The following BASP1 variants were observed in gnomAD, a reference collection of about 807,000 sequenced individuals.
BASP1 encodes brain acid soluble protein 1.
BASP1 carries 1 observed loss-of-function variant against 2.2 expected under a neutral mutation model. The observed-to-expected ratio is 0.46, with a 90% CI of 0.16 to 2.17. BASP1 has a LOEUF of 2.17. BASP1 is among the 30% of genes most tolerant of loss of function. The pLI is 0.27. For missense variants in BASP1, 352 were observed against 327.2 expected, an observed-to-expected ratio of 1.08 and a Z score of -0.58; for synonymous variants, 187 against 154.2, an observed-to-expected ratio of 1.21 and a Z score of -1.58.
chr5:17,254,583 A>G (rs1740163464), intron 1 of BASP1, among the ~76,000 whole-genome samples: 1 of 152,230 alleles, frequency 6.6e-6, no homozygotes, highest in Admixed American at 6.5e-5. Flanking sequence ...TGATAAAAGC[A>G]TTCAGTTTGC....
intron 1 of BASP1, among the ~76,000 whole-genome samples, chr5:17,229,975 G>A (rs938624082): frequency 3.9e-5 from 6 of 152,040 alleles, no homozygotes; most frequent in Non-Finnish European, 7.4e-5. Flanking sequence ...AGTAGAGATA[G>A]GGTTTCACCA....
chr5:17,259,594 C>T (rs1160438840), intron 1 of BASP1, among the ~76,000 whole-genome samples: 1 of 152,088 alleles, frequency 6.6e-6, no homozygotes, highest in East Asian at 1.9e-4. Flanking sequence ...ACTGAAAATA[C>T]TACATTTGCT....
chr5:17,233,382 A>G (rs1014496857), intron 1 of BASP1, among the ~76,000 whole-genome samples: 8 of 152,102 alleles, frequency 5.3e-5, no homozygotes, highest in Admixed American at 2.0e-4. Context: ...TGAAACTCCT[A>G]TATCTCCTTC....
intron 1 of BASP1, among the ~76,000 whole-genome samples, chr5:17,240,060 G>A (rs1489626144): frequency 6.6e-6 from 1 of 151,820 alleles, no homozygotes; most frequent in Non-Finnish European, 1.5e-5. Flanking sequence ...AAATGTCGAG[G>A]TCATGATTAT....
upstream of BASP1, chr5:17,216,962 C>T: frequency 6.6e-6 from 1 of 152,278 alleles, no homozygotes. The surrounding 1 kb of genome is among the most constrained non-coding windows in gnomAD (Gnocchi z 6.4). Flanking sequence ...TAGCTGGTGC[C>T]AGGGGGTGTC....
intron 1 of BASP1, among the ~76,000 whole-genome samples, chr5:17,271,606 C>T (rs747466948): frequency 7.9e-5 from 12 of 152,164 alleles, no homozygotes; most frequent in Non-Finnish European, 1.6e-4. Context: ...AAGTCAGTCT[C>T]GGCCTTTTCA....
At chr5:17,246,695 G>A (rs1358252749) in intron 1 of BASP1, among the ~76,000 whole-genome samples, 2 of 152,206 alleles carry the variant, frequency 1.3e-5, no homozygotes, top group African/African-American at 2.4e-5. Flanking sequence ...GGCTTCTTAG[G>A]ATATTTGTAA....
chr5:17,267,817 C>CTTTTTTTTTTTTTTT (rs748938177), intron 1 of BASP1, among the ~76,000 whole-genome samples: 1 of 33,432 alleles, frequency 3.0e-5, no homozygotes, highest in African/African-American at 1.5e-4. Context: ...GCTCCCAGCC[C>CTTTTTTTTTTTTTTT]TTTTTTTTTT....
chr5:17,221,497 T>C (rs1357047562), intron 1 of BASP1, among the ~76,000 whole-genome samples: 1 of 152,096 alleles, frequency 6.6e-6, no homozygotes. Context: ...CTTAATGTAG[T>C]TTGTACCTAC....
intron 1 of BASP1, among the ~76,000 whole-genome samples, chr5:17,249,677 T>A (rs919120457): frequency 1.3e-5 from 2 of 152,198 alleles, no homozygotes; most frequent in Non-Finnish European, 2.9e-5. Flanking sequence ...ACAACCTTTT[T>A]ACCTTTTTTA....
chr5:17,272,935 G>A (rs1440364719), intron 1 of BASP1, among the ~76,000 whole-genome samples: 3 of 152,162 alleles, frequency 2.0e-5, no homozygotes, highest in East Asian at 1.9e-4. Flanking sequence ...TGCTGTGGGT[G>A]TCAGAAAGCA....
chr5:17,275,235 A>C lies in BASP1; in HGVS notation c.19A>C (p.Lys7Gln), dbSNP rs749247305. Reference protein sequence around the residue: MGGKLSKKKKGYNVNDE... With the variant: MGGKLSQKKKGYNVNDE... ...CTCCAAGATGGGAGGCAAGCTCAGCAAGAAGAAGAAGGGCTACAATGTGAA... is the reference window on the plus strand; with the variant it reads ...CTCCAAGATGGGAGGCAAGCTCAGCCAGAAGAAGAAGGGCTACAATGTGAA... The change falls in exon 2 of 2, where the codon AAG becomes CAG. Residue 7 changes from lysine (K) to glutamine (Q), a missense_variant. Coordinates refer to ENST00000322611, the MANE Select transcript of BASP1 (RefSeq NM_006317.5). This position sits in a 1 kb window ranked among gnomAD's most constrained non-coding sequence, Gnocchi z 5.3. 6.2e-7 allele frequency: 1 copy of C among 1,612,142 alleles called. No individual in the cohort carries two copies. Among genetic ancestry groups the C allele is most frequent in the South Asian group, 1.1e-5 (1 of 90,954 alleles).
chr5:17,229,113 G>T (rs1739572758), intron 1 of BASP1, among the ~76,000 whole-genome samples: 1 of 152,190 alleles, frequency 6.6e-6, no homozygotes, highest in South Asian at 2.1e-4. Flanking sequence ...GGTAGAGAAA[G>T]CATCCACAGA....
chr5:17,220,512 T>G (rs1332908487), intron 1 of BASP1, among the ~76,000 whole-genome samples: 2 of 152,348 alleles, frequency 1.3e-5, no homozygotes, highest in Middle Eastern at 3.4e-3. Context: ...TTTCTATCAG[T>G]TCGCTTATTC....
chr5:17,265,009 G>T (rs1740389642), intron 1 of BASP1, among the ~76,000 whole-genome samples: 1 of 152,158 alleles, frequency 6.6e-6, no homozygotes, highest in Admixed American at 6.5e-5. Context: ...GGAGAAATTT[G>T]ATATCATTTT....
intron 1 of BASP1, among the ~76,000 whole-genome samples, chr5:17,267,816 C>CTTTTTTTTTT (rs1740443915): frequency 6.7e-5 from 1 of 14,816 alleles, no homozygotes. Flanking sequence ...CGCTCCCAGC[C>CTTTTTTTTTT]CTTTTTTTTT....
chr5:17,249,261 G>A (rs1740053163), intron 1 of BASP1, among the ~76,000 whole-genome samples: 1 of 152,072 alleles, frequency 6.6e-6, no homozygotes, highest in Admixed American at 6.6e-5. Flanking sequence ...GAGTCTTCCT[G>A]CAGCCTTCTT....
chr5:17,272,015 G>A (rs182521081), intron 1 of BASP1, among the ~76,000 whole-genome samples: 302 of 150,502 alleles, frequency 2.0e-3, no homozygotes, highest in African/African-American at 7.1e-3. Flanking sequence ...GCAGTGAGCC[G>A]AGATTGTGCT....
chr5:17,244,222 T>G (rs1281468077), intron 1 of BASP1, among the ~76,000 whole-genome samples: 2 of 152,200 alleles, frequency 1.3e-5, no homozygotes, highest in African/African-American at 2.4e-5. Flanking sequence ...ACAAGTAAAT[T>G]AGTCCATGCC....
Sources: gnomAD v4.1 joint callset for allele counts (sites outside exome capture counted in the v4.1 genomes callset) on GRCh38, gnomAD v4.1.1 for gene constraint, Gnocchi (gnomAD v3.1) non-coding constraint, MANE v1.5 for transcripts, NCBI Gene and HGNC (gene_info 2026-07-23, HGNC 2026-07-21) for gene names.